The following FZR1 variants were observed in gnomAD, a reference collection of about 807,000 sequenced individuals.
FZR1 encodes fizzy-related protein homolog.
In FZR1, 11 loss-of-function variants were observed where a neutral mutation model predicts 63.6. The observed-to-expected ratio is 0.17, with a 90% CI of 0.11 to 0.29. The LOEUF (loss-of-function observed/expected upper bound fraction) is 0.29. Among genes scored for constraint, FZR1 ranks in the 10% least tolerant of loss-of-function variants. FZR1 has a pLI of 1.00. For synonymous variants in FZR1, 328 were observed against 297.9 expected (o/e 1.10, Z -1.04); for missense variants, 440 against 687.5 (o/e 0.64, Z 4.03).
chr19:3,509,563 C>T (rs991120756), intron 1 of FZR1, among the ~76,000 whole-genome samples: 2 of 152,232 alleles, frequency 1.3e-5, no homozygotes, highest in African/African-American at 4.8e-5. Context: ...CTCGGGCCGC[C>T]ATCACCTCTG....
Position 3,526,011 on chromosome 19 carries a change from C to T in FZR1, c.195+18C>T. On this transcript the variant is annotated intron_variant, in intron 3 of 13. Transcript: ENST00000441788. The surrounding 1 kb of genome is among the most constrained non-coding windows in gnomAD (Gnocchi z 5.4). Reference sequence around the variant, plus strand: ...GGATTAACGTGAGGGGCTGGCTGGGCAGGAGATGGGACCCCCCGGGAAGCC... The same window carrying T: ...GGATTAACGTGAGGGGCTGGCTGGGTAGGAGATGGGACCCCCCGGGAAGCC... 2 of 1,611,210 alleles carry T rather than the reference C, an allele frequency of 1.2e-6. No homozygotes were observed. Among genetic ancestry groups the T allele is most frequent in the South Asian group, 1.1e-5 (1 of 91,022 alleles).
chr19:3,520,536 G>C (rs1413173662), intron 1 of FZR1, among the ~76,000 whole-genome samples: 1 of 152,208 alleles, frequency 6.6e-6, no homozygotes, highest in Non-Finnish European at 1.5e-5. Context: ...CCTTGCAGAG[G>C]GGACACGAGA....
intron 1 of FZR1, among the ~76,000 whole-genome samples, chr19:3,507,739 T>A (rs1039816800): frequency 6.6e-6 from 1 of 152,224 alleles, no homozygotes; most frequent in Admixed American, 6.5e-5. Flanking sequence ...GGATAGAAGC[T>A]GACGGCATCA....
At chr19:3,509,928 G>A (rs1210669697) in intron 1 of FZR1, among the ~76,000 whole-genome samples, 3 of 152,094 alleles carry the variant, frequency 2.0e-5, no homozygotes, top group Non-Finnish European at 2.9e-5. Context: ...GCTGGTGGTT[G>A]TGTGGCGACC....
chr19:3,522,449 G>A (rs2083111190), intron 1 of FZR1, among the ~76,000 whole-genome samples: 1 of 152,204 alleles, frequency 6.6e-6, no homozygotes, highest in Non-Finnish European at 1.5e-5. Flanking sequence ...GTCCACAGGA[G>A]GCTGATGTCC....
rs1194192736 is a variant in FZR1 at position 3,536,644 on chromosome 19, G to A, written c.*1808G>A. 1.3e-5 allele frequency: 2 copies of A among 152,524 alleles called. No homozygotes were observed. Among genetic ancestry groups the A allele is most frequent in the Non-Finnish European group, 2.9e-5 (2 of 68,272 alleles). The allele number at this position is 152,524 out of a possible 1,614,324, so 9.4% of individuals were successfully genotyped here. Reference sequence around the variant, plus strand: ...GGGCCAGGCGGACGGCGTGAGGTTTGTGTTGGGGCTGGTTCTGCCCATGCT... The same window carrying A: ...GGGCCAGGCGGACGGCGTGAGGTTTATGTTGGGGCTGGTTCTGCCCATGCT... On this transcript the variant is annotated 3_prime_UTR_variant, in exon 14 of 14. Coordinates refer to ENST00000441788, the MANE Select transcript of FZR1 (RefSeq NM_016263.4).
intron 1 of FZR1, 103 bp downstream of exon 1, chr19:3,506,577 C>G (rs995334060): frequency 5.9e-5 from 9 of 151,856 alleles, no homozygotes; most frequent in African/African-American, 1.7e-4. Flanking sequence ...CGACCCCCAC[C>G]CCAGCTCAGG....
chr19:3,534,579 C>T (rs2083278757), intron 13 of FZR1, 66 bp downstream of exon 13: 3 of 1,128,284 alleles, frequency 2.7e-6, no homozygotes, highest in Non-Finnish European at 4.0e-6. Flanking sequence ...GTCCCTGTCC[C>T]CACTGTCCTC....
rs1280466090 is a variant in FZR1, at chr19:3,537,822, C to G, written c.*2986C>G. On this transcript the variant is annotated 3_prime_UTR_variant, in exon 14 of 14. Transcript: ENST00000441788. ...TGGCATGGGGGACACAGCCCAGAGA[C>G]AGAGAAGCTTATGAGGAAGTGAGGA... The G allele has an allele frequency of 6.6e-6, 1 of 152,544 alleles. No individual in the cohort carries two copies. Among genetic ancestry groups the G allele is most frequent in the Non-Finnish European group, 1.5e-5 (1 of 68,366 alleles). 9.4% of individuals were successfully genotyped at this position (152,544 alleles called of 1,614,324 possible).
At chr19:3,508,131 G>A (rs908991439) in intron 1 of FZR1, among the ~76,000 whole-genome samples, 9 of 151,918 alleles carry the variant, frequency 5.9e-5, no homozygotes, top group African/African-American at 2.2e-4. Context: ...GGGGCTTTGG[G>A]GTTTGGAGGA....
intron 1 of FZR1, among the ~76,000 whole-genome samples, chr19:3,522,001 TGC>T (rs2083106786): frequency 6.6e-6 from 1 of 151,992 alleles, no homozygotes; most frequent in African/African-American, 2.4e-5. Flanking sequence ...GGACCACAGG[TGC>T]GCGCCACCAC....
At chr19:3,511,415 C>G (rs1196435256) in intron 1 of FZR1, among the ~76,000 whole-genome samples, 3 of 152,206 alleles carry the variant, frequency 2.0e-5, no homozygotes, top group Admixed American at 2.0e-4. Flanking sequence ...CTCTAGACTG[C>G]CTGCCGGCTG....
intron 1 of FZR1, among the ~76,000 whole-genome samples, chr19:3,520,239 A>G (rs1415410264): frequency 6.6e-6 from 1 of 152,028 alleles, no homozygotes; most frequent in Non-Finnish European, 1.5e-5. Flanking sequence ...CCCTGTGGAG[A>G]ACCGGTGGGG....
At chr19:3,521,335 C>T (rs776380708) in intron 1 of FZR1, 6 of 152,168 alleles carry the variant, frequency 3.9e-5, no homozygotes, top group African/African-American at 7.2e-5. Context: ...CTGTGTTTAA[C>T]GATTGAGGAA....
chr19:3,530,806 T>C lies in FZR1; in HGVS notation c.669T>C (p.Cys223=). Residue 223 remains cysteine (C), a synonymous_variant, in exon 8 of 14, where the codon TGT becomes TGC. Coordinates refer to ENST00000441788, the MANE Select transcript of FZR1 (RefSeq NM_016263.4). ...TCTGCCTCCAGGTGACGCGGCTCTGTGACCTCTCAGTGGAAGGGGACTCAG... is the reference window on the plus strand; with the variant it reads ...TCTGCCTCCAGGTGACGCGGCTCTGCGACCTCTCAGTGGAAGGGGACTCAG... ...SACTSQVTRL[C]DLSVEGDSVT... is the part of the protein sequence containing the mutation. The C allele has an allele frequency of 6.2e-7, 1 of 1,613,114 alleles. No homozygotes were observed. Among genetic ancestry groups the C allele is most frequent in the Non-Finnish European group, 8.5e-7 (1 of 1,179,668 alleles).
At chr19:3,528,957 T>A (rs1237472669) in intron 7 of FZR1, among the ~76,000 whole-genome samples, 70 of 103,326 alleles carry the variant, frequency 6.8e-4, no homozygotes, top group Middle Eastern at 8.6e-3. Context: ...AGCGGATGGG[T>A]GAGTGGATGG....
intron 1 of FZR1, among the ~76,000 whole-genome samples, chr19:3,518,646 G>A (rs556130518): frequency 1.3e-5 from 2 of 152,336 alleles, no homozygotes; most frequent in African/African-American, 4.8e-5. Flanking sequence ...AAGTCTGCTG[G>A]TGCCGTTGTC....
chr19:3,522,925 C>G (rs765019420), intron 1 of FZR1, 31 bp from the exon 2 acceptor site: 2 of 1,151,540 alleles, frequency 1.7e-6, no homozygotes, highest in Non-Finnish European at 2.6e-6. Flanking sequence ...CGGCCCTGCC[C>G]CACTCACCTC....
At position 3,514,931 on chromosome 19, in the gene FZR1, C is replaced by A. The variant is rs2083048075; in HGVS notation, c.-34-8025C>A. ...GAAGGAGGCCTCCTGGCTCTTCATTCTGGGGCCCAGGGGGTGAAAGGTGGA... is the reference window on the plus strand; with the variant it reads ...GAAGGAGGCCTCCTGGCTCTTCATTATGGGGCCCAGGGGGTGAAAGGTGGA... On this transcript the variant is annotated intron_variant, in intron 1 of 13. Coordinates refer to ENST00000441788, the MANE Select transcript of FZR1 (RefSeq NM_016263.4). This position sits in a 1 kb window ranked among gnomAD's most constrained non-coding sequence, Gnocchi z 4.2. Among the ~76,000 whole-genome samples the A allele has an allele frequency of 1.3e-5, 2 of 152,166 alleles. No homozygotes were observed. The highest frequency in any genetic ancestry group is 6.5e-5 in the Admixed American group (1 of 15,288).
Sources: allele counts gnomAD v4.1 joint callset (sites outside exome capture counted in the v4.1 genomes callset), GRCh38; gene constraint gnomAD v4.1.1; non-coding constraint Gnocchi (gnomAD v3.1); transcripts MANE v1.5; gene names NCBI Gene and HGNC (gene_info 2026-07-23, HGNC 2026-07-21).